The following KCNAB1 variants were observed in gnomAD, a reference collection of about 807,000 sequenced individuals.
KCNAB1 encodes the protein potassium voltage-gated channel subfamily A regulatory beta subunit 1, also known as voltage-gated potassium channel subunit beta-1.
KCNAB1 carries 35 observed loss-of-function variants against 64.6 expected under a neutral mutation model. The observed-to-expected ratio is 0.54, with a 90% confidence interval of 0.41 to 0.72. The LOEUF (loss-of-function observed/expected upper bound fraction) is 0.72, where lower values mean the gene tolerates loss of function less well. Ranked by LOEUF, KCNAB1 falls within the 30% of genes least tolerant of loss-of-function variation. KCNAB1 has a pLI of 0.00. For synonymous variants in KCNAB1, 177 were observed against 183.8 expected (o/e 0.96, Z 0.30); for missense variants, 401 against 512.9 (o/e 0.78, Z 2.11).
intron 12 of KCNAB1, among the ~76,000 whole-genome samples, chr3:156,526,360 T>G (rs1718311186): frequency 6.6e-6 from 1 of 152,240 alleles, no homozygotes; most frequent in Non-Finnish European, 1.5e-5. Flanking sequence ...GTGACCACAT[T>G]AAAACATTAA....
chr3:156,341,880 C>G (rs1443956236), intron 1 of KCNAB1, among the ~76,000 whole-genome samples: 1 of 152,054 alleles, frequency 6.6e-6, no homozygotes. Context: ...ACCTTTTATT[C>G]TATTTTAATA....
intron 1 of KCNAB1, among the ~76,000 whole-genome samples, chr3:156,230,339 A>C (rs576691973): frequency 6.6e-6 from 1 of 152,218 alleles, no homozygotes; most frequent in East Asian, 1.9e-4. Context: ...CAGTAGAGTA[A>C]CATGCTGCAC....
chr3:156,190,306 AT>A (rs368989053), intron 1 of KCNAB1, among the ~76,000 whole-genome samples: 17 of 151,748 alleles, frequency 1.1e-4, no homozygotes, highest in Admixed American at 4.6e-4. Context: ...GTAGACTGTG[AT>A]TTTTTTTTCT....
chr3:156,523,417 C>T (rs1718085722), intron 11 of KCNAB1, among the ~76,000 whole-genome samples: 1 of 151,826 alleles, frequency 6.6e-6, no homozygotes, highest in Non-Finnish European at 1.5e-5. Context: ...GCTTGGCACC[C>T]AGCTTTCTTA....
intron 1 of KCNAB1, among the ~76,000 whole-genome samples, chr3:156,266,325 C>A (rs1345432516): frequency 2.0e-5 from 3 of 152,180 alleles, no homozygotes; most frequent in African/African-American, 7.2e-5. Flanking sequence ...ACTGGGGACA[C>A]ACTAATGTTA....
chr3:156,311,310 G>C (rs1721884010), intron 1 of KCNAB1, among the ~76,000 whole-genome samples: 2 of 152,220 alleles, frequency 1.3e-5, no homozygotes, highest in African/African-American at 4.8e-5. Context: ...GTTGAAAGTT[G>C]TGAGCAGGAA....
chr3:156,170,735 C>T (rs934636046), intron 1 of KCNAB1, among the ~76,000 whole-genome samples: 4 of 152,150 alleles, frequency 2.6e-5, no homozygotes, highest in Admixed American at 1.3e-4. Context: ...CATGTCATTA[C>T]TTGGCATGCA....
intron 1 of KCNAB1, among the ~76,000 whole-genome samples, chr3:156,287,861 G>A (rs1199927256): frequency 6.6e-6 from 1 of 151,538 alleles, no homozygotes; most frequent in East Asian, 1.9e-4. Context: ...GAATAATAAT[G>A]ATAGTTATCA....
chr3:156,140,701 A>G (rs1413954507), intron 1 of KCNAB1, among the ~76,000 whole-genome samples: 2 of 152,236 alleles, frequency 1.3e-5, no homozygotes, highest in African/African-American at 4.8e-5. Context: ...CCAAATAGTA[A>G]ATAAATAATG....
chr3:156,413,774 G>C (rs1440515349), intron 1 of KCNAB1, among the ~76,000 whole-genome samples: 1 of 152,186 alleles, frequency 6.6e-6, no homozygotes, highest in Non-Finnish European at 1.5e-5. Flanking sequence ...CTGAACAGCT[G>C]TTATGCACCC....
intron 1 of KCNAB1, among the ~76,000 whole-genome samples, chr3:156,153,908 T>G (rs192374764): frequency 2.0e-5 from 3 of 152,366 alleles, no homozygotes. Context: ...CACAGTTGCA[T>G]GAGCTAGTTC....
intron 1 of KCNAB1, among the ~76,000 whole-genome samples, chr3:156,133,259 G>GT (rs1223779910): frequency 1.3e-5 from 2 of 152,178 alleles, no homozygotes; most frequent in African/African-American, 4.8e-5. Flanking sequence ...TTTGAACGAT[G>GT]TGACTATCCA....
At chr3:156,443,649 C>G (rs1717168882) in intron 2 of KCNAB1, among the ~76,000 whole-genome samples, 1 of 151,796 alleles carries the variant, frequency 6.6e-6, no homozygotes, top group African/African-American at 2.4e-5. Flanking sequence ...CTGAGGATGT[C>G]TTTCTCATTT....
At chr3:156,202,974 G>A (rs1714435996) in intron 1 of KCNAB1, among the ~76,000 whole-genome samples, 1 of 151,968 alleles carries the variant, frequency 6.6e-6, no homozygotes, top group South Asian at 2.1e-4. Context: ...TTACCGCTAG[G>A]GTTATAGTGA....
intron 1 of KCNAB1, among the ~76,000 whole-genome samples, chr3:156,293,799 G>T (rs929881035): frequency 6.6e-6 from 1 of 152,150 alleles, no homozygotes; most frequent in African/African-American, 2.4e-5. Context: ...GTTTTCTATG[G>T]CTGCTGCTGT....
In KCNAB1 at chr3:156,445,941, A is replaced by T. The variant is rs148112995; in HGVS notation, c.320-6958A>T. On this transcript the variant is annotated intron_variant, in intron 2 of 13. Transcript: ENST00000490337. Reference sequence around the variant, plus strand: ...CTAATTTTGTGCATAAGGAAACAAGAAATCAAGAGATTGGAGGTTTCTCAG... The same window carrying T: ...CTAATTTTGTGCATAAGGAAACAAGTAATCAAGAGATTGGAGGTTTCTCAG... 3.7e-4 allele frequency: 57 copies of T among 152,302 alleles called. 1 individual carries two copies. The highest frequency in any genetic ancestry group is 1.3e-3 in the African/African-American group (54 of 41,562). The allele number at this position is 152,302 out of a possible 1,614,324, so 9.4% of individuals were successfully genotyped here. A position where few individuals can be genotyped will look rare whatever the true frequency, so the allele number is the denominator to read the frequency against.
intron 1 of KCNAB1, 23 bp downstream of exon 1, chr3:156,120,909 G>C: frequency 1.2e-6 from 2 of 1,608,240 alleles, no homozygotes; most frequent in Non-Finnish European, 8.5e-7. Flanking sequence ...TGCTCTGCGC[G>C]GGCTTTGGGA....
chr3:156,406,681 A>C (rs1331662358), intron 1 of KCNAB1, among the ~76,000 whole-genome samples: 2 of 152,142 alleles, frequency 1.3e-5, no homozygotes, highest in African/African-American at 4.8e-5. Flanking sequence ...TTTTAGTGAG[A>C]ATTGGTTACT....
rs1160548168 is a variant in KCNAB1, at chr3:156,362,879, CAATTCTGAGA to C, written c.276-58735_276-58726del. Among the ~76,000 whole-genome samples the C allele has an allele frequency of 3.5e-4, 53 of 152,284 alleles. 1 individual carries two copies. Among genetic ancestry groups the C allele is most frequent in the African/African-American group, 1.2e-3 (51 of 41,570 alleles). On this transcript the variant is annotated intron_variant, in intron 1 of 13. Transcript: ENST00000490337. ...GGTAAATTCATTAGGAATTAAACAA[CAATTCTGAGA>C]ACAGAAGCAGTCAACCCTGATGAGC...
Sources: gnomAD v4.1 joint callset for allele counts (sites outside exome capture counted in the v4.1 genomes callset) on GRCh38, gnomAD v4.1.1 for gene constraint, MANE v1.5 for transcripts, NCBI Gene and HGNC (gene_info 2026-07-23, HGNC 2026-07-21) for gene names.